The following ELMOD1 variants were observed in gnomAD, a reference collection of about 807,000 sequenced individuals.
ELMOD1 encodes ELMO domain containing 1.
A neutral mutation model predicts 46.7 loss-of-function variants in ELMOD1; 21 were observed. The ratio of observed to expected loss-of-function variants is 0.45; its 90% CI spans 0.32 to 0.65. ELMOD1 has a LOEUF of 0.65. Among genes scored for constraint, ELMOD1 ranks in the 30% least tolerant of loss-of-function variants. ELMOD1 has a pLI of 0.04. For synonymous variants in ELMOD1, 122 were observed against 138.2 expected (o/e 0.88, Z 0.82); for missense variants, 348 against 407.8 (o/e 0.85, Z 1.26).
In ELMOD1 at chr11:107,641,939, C is replaced by CTTT. The variant is rs34475862; in HGVS notation, c.421-5507_421-5505dup. Among the ~76,000 whole-genome samples, 23 of 100,470 alleles carry CTTT rather than the reference C, an allele frequency of 2.3e-4. 1 individual carries two copies. The highest frequency in any genetic ancestry group is 3.7e-4 in the South Asian group (1 of 2,674). 65.9% of individuals were successfully genotyped at this position (100,470 alleles called of 152,430 possible). A position where few individuals can be genotyped will look rare whatever the true frequency, so the allele number is the denominator to read the frequency against. Reference sequence around the variant, plus strand: ...AGTAAATGGATTGTATGAGCTTACTCTTTTTTTTTTTTTTTTTTTTTTTTA... The same window carrying CTTT: ...AGTAAATGGATTGTATGAGCTTACTCTTTTTTTTTTTTTTTTTTTTTTTTTTTA... On this transcript the variant is annotated intron_variant, in intron 6 of 11. Coordinates refer to ENST00000265840, the MANE Select transcript of ELMOD1 (RefSeq NM_018712.4).
intron 6 of ELMOD1, among the ~76,000 whole-genome samples, chr11:107,642,326 G>A (rs1866339272): frequency 6.6e-6 from 1 of 151,996 alleles, no homozygotes; most frequent in African/African-American, 2.4e-5. Flanking sequence ...CAAACTGTAA[G>A]TTCTTTTATT....
At chr11:107,626,206 A>T (rs1866037818) in intron 2 of ELMOD1, among the ~76,000 whole-genome samples, 1 of 152,064 alleles carries the variant, frequency 6.6e-6, no homozygotes, top group South Asian at 2.1e-4. Flanking sequence ...TGGTTTCCTG[A>T]TTCAGCCTAG....
intron 1 of ELMOD1, among the ~76,000 whole-genome samples, chr11:107,615,693 G>A (rs1274573694): frequency 2.0e-5 from 3 of 151,904 alleles, no homozygotes; most frequent in Non-Finnish European, 4.4e-5. Flanking sequence ...AATACATTAC[G>A]TGTAATAGTC....
chr11:107,612,772 T>C (rs1483173829), intron 1 of ELMOD1, among the ~76,000 whole-genome samples: 1 of 152,202 alleles, frequency 6.6e-6, no homozygotes, highest in Non-Finnish European at 1.5e-5. Flanking sequence ...ACAAAGCTAC[T>C]TGACTTTAAA....
At chr11:107,636,892 T>C (rs1866238602) in intron 6 of ELMOD1, among the ~76,000 whole-genome samples, 1 of 152,212 alleles carries the variant, frequency 6.6e-6, no homozygotes, top group African/African-American at 2.4e-5. Flanking sequence ...TCAACAAAAT[T>C]ACCCAAACAT....
chr11:107,647,119 A>G (rs1269781131), intron 6 of ELMOD1, among the ~76,000 whole-genome samples: 6 of 152,202 alleles, frequency 3.9e-5, no homozygotes, highest in Non-Finnish European at 8.8e-5. Context: ...TGGAAAATTC[A>G]GCTGTGTACT....
chr11:107,592,018 G>A, intron 1 of ELMOD1: 2 of 495,788 alleles, frequency 4.0e-6, no homozygotes, highest in Non-Finnish European at 8.4e-6. Context: ...TTGGACAGCC[G>A]AGTGGGGAGT....
At chr11:107,609,659 G>A (rs1453508587) in intron 1 of ELMOD1, among the ~76,000 whole-genome samples, 3 of 152,192 alleles carry the variant, frequency 2.0e-5, no homozygotes, top group South Asian at 2.1e-4. Flanking sequence ...TGAGTTTTCA[G>A]AAGTAGCAGA....
intron 11 of ELMOD1, among the ~76,000 whole-genome samples, chr11:107,661,061 G>A (rs1565393467): frequency 1.3e-5 from 2 of 152,160 alleles, no homozygotes; most frequent in Non-Finnish European, 2.9e-5. Context: ...CACCTTGGAA[G>A]CCAGACCACC....
At chr11:107,645,579 C>T (rs1394033967) in intron 6 of ELMOD1, among the ~76,000 whole-genome samples, 1 of 152,018 alleles carries the variant, frequency 6.6e-6, no homozygotes, top group African/African-American at 2.4e-5. Flanking sequence ...CCTTTCCTGG[C>T]TTCCCAAAGT....
At chr11:107,644,911 TTTG>T (rs1335336649) in intron 6 of ELMOD1, among the ~76,000 whole-genome samples, 7 of 131,466 alleles carry the variant, frequency 5.3e-5, no homozygotes, top group African/African-American at 2.5e-4. Context: ...CTAAAGGGTT[TTTG>T]TTTTTGTTTT....
intron 6 of ELMOD1, among the ~76,000 whole-genome samples, chr11:107,637,146 T>TA (rs1226017960): frequency 6.6e-6 from 1 of 152,254 alleles, no homozygotes; most frequent in African/African-American, 2.4e-5. Flanking sequence ...ATATGACTTT[T>TA]ATCTGTGGTT....
intron 7 of ELMOD1, 69 bp from the exon 8 acceptor site, chr11:107,650,266 G>A (rs2135709123): frequency 8.8e-7 from 1 of 1,138,910 alleles, no homozygotes; most frequent in Non-Finnish European, 1.3e-6. Context: ...ACCTCGAATT[G>A]GATTAAAATG....
chr11:107,597,197 A>G (rs1296977997), intron 1 of ELMOD1, among the ~76,000 whole-genome samples: 1 of 152,190 alleles, frequency 6.6e-6, no homozygotes, highest in African/African-American at 2.4e-5. Flanking sequence ...AATTTGGATG[A>G]CAATCAGGAT....
intron 1 of ELMOD1, among the ~76,000 whole-genome samples, chr11:107,607,656 AAAAC>A (rs57709612): frequency 0.12 from 18,395 of 151,616 alleles, 1,360 homozygotes; most frequent in African/African-American, 0.21. Context: ...GAACCTGTCT[AAAAC>A]AAACAAACAA....
intron 1 of ELMOD1, chr11:107,600,805 G>A (rs12808194): frequency 6.6e-6 from 1 of 152,314 alleles, no homozygotes; most frequent in Non-Finnish European, 1.5e-5. Context: ...GAATGGCTTA[G>A]GTTTTGGGAA....
chr11:107,609,875 G>A (rs1361546134), intron 1 of ELMOD1, among the ~76,000 whole-genome samples: 1 of 152,110 alleles, frequency 6.6e-6, no homozygotes, highest in Non-Finnish European at 1.5e-5. Context: ...CAGGGGAACA[G>A]GTTAGTAAAC....
intron 6 of ELMOD1, among the ~76,000 whole-genome samples, chr11:107,639,463 A>G (rs1432971458): frequency 2.0e-5 from 3 of 152,210 alleles, no homozygotes; most frequent in Admixed American, 1.3e-4. Context: ...GGATTCATGC[A>G]CTTAATGAAA....
Position 107,649,919 on chromosome 11 carries a change from G to A in ELMOD1, c.555-416G>A, listed in dbSNP as rs564134304. 2.0e-5 allele frequency among the ~76,000 whole-genome samples: 3 copies of A among 152,146 alleles called. No homozygotes were observed. The East Asian group carries it at 5.8e-4, about 29-fold the overall frequency. On this transcript the variant is annotated intron_variant, in intron 7 of 11. Coordinates refer to ENST00000265840, the MANE Select transcript of ELMOD1 (RefSeq NM_018712.4). ...GAATTCAAATTCCCAATGAATATTT[G>A]AAACATATCCTCTCTCATCTCCTCC...
Sources: allele counts gnomAD v4.1 joint callset (sites outside exome capture counted in the v4.1 genomes callset), GRCh38; gene constraint gnomAD v4.1.1; transcripts MANE v1.5; gene names NCBI Gene and HGNC (gene_info 2026-07-23, HGNC 2026-07-21).